SYNPO2: variants seen among roughly 807,000 people sequenced by gnomAD.
SYNPO2 encodes the protein synaptopodin 2.
In SYNPO2, 56 loss-of-function variants were observed where a neutral mutation model predicts 85.0. That is an observed-to-expected ratio of 0.66 (90% CI 0.53 to 0.82). The LOEUF (loss-of-function observed/expected upper bound fraction) is 0.82, where lower values mean the gene tolerates loss of function less well. Among genes scored for constraint, SYNPO2 ranks in the 40% least tolerant of loss-of-function variants. The pLI, the probability that SYNPO2 is intolerant of heterozygous loss-of-function variation, is 0.00. For missense variants in SYNPO2, 1,575 were observed against 1,534.2 expected (o/e 1.03, Z -0.44); for synonymous variants, 602 against 591.1 (o/e 1.02, Z -0.27).
In SYNPO2 at chr4:118,905,543, A is replaced by G. The variant is rs1456753373; in HGVS notation, c.105+16402A>G. ...TTTCATGGAACTGTAAAAACATAGT[A>G]TGGAAAGTTATTTCACCCTTATAGA... On this transcript the variant is annotated intron_variant, in intron 1 of 4. Coordinates refer to ENST00000307142, the MANE Select transcript of SYNPO2 (RefSeq NM_133477.3). 2.6e-5 allele frequency among the ~76,000 whole-genome samples: 4 copies of G among 152,190 alleles called. No individual in the cohort carries two copies. The South Asian group carries it at 8.3e-4, about 31-fold the overall frequency.
chr4:118,904,559 G>T (rs1316404218), intron 1 of SYNPO2, among the ~76,000 whole-genome samples: 1 of 152,192 alleles, frequency 6.6e-6, no homozygotes, highest in African/African-American at 2.4e-5. Context: ...ATAGGACACT[G>T]ATCTCTGAAT....
chr4:119,052,161 G>C (rs1166238782), intron 4 of SYNPO2, among the ~76,000 whole-genome samples: 1 of 152,154 alleles, frequency 6.6e-6, no homozygotes, highest in Non-Finnish European at 1.5e-5. Flanking sequence ...AAACTGTTCT[G>C]GCACAGAACC....
intron 1 of SYNPO2, among the ~76,000 whole-genome samples, chr4:118,854,739 G>A (rs1731476795): frequency 6.6e-6 from 1 of 152,014 alleles, no homozygotes; most frequent in Non-Finnish European, 1.5e-5. Flanking sequence ...AATGCATAAT[G>A]GCATCCTGAA....
intron 1 of SYNPO2, among the ~76,000 whole-genome samples, chr4:118,973,012 T>C (rs888550991): frequency 6.6e-6 from 1 of 152,238 alleles, no homozygotes; most frequent in African/African-American, 2.4e-5. Context: ...GTTTCAACTT[T>C]ACAATGGGCT....
chr4:118,902,928 T>G (rs2149119999), intron 1 of SYNPO2, among the ~76,000 whole-genome samples: 1 of 152,300 alleles, frequency 6.6e-6, no homozygotes, highest in African/African-American at 2.4e-5. Context: ...TTAATTTCAG[T>G]TCTCCTTAAA....
intron 1 of SYNPO2, among the ~76,000 whole-genome samples, chr4:118,861,959 C>A (rs748657143): frequency 6.6e-6 from 1 of 152,014 alleles, no homozygotes; most frequent in Admixed American, 6.5e-5. Flanking sequence ...AATATTGATT[C>A]TTCCAATCCA....
chr4:118,868,682 T>A (rs1339305324), intron 1 of SYNPO2, among the ~76,000 whole-genome samples: 1 of 152,096 alleles, frequency 6.6e-6, no homozygotes, highest in African/African-American at 2.4e-5. Flanking sequence ...TGAAATGAGA[T>A]CTGGAAGTTG....
At chr4:118,960,146 C>CA (rs1485245460) in intron 1 of SYNPO2, among the ~76,000 whole-genome samples, 1 of 152,140 alleles carries the variant, frequency 6.6e-6, no homozygotes, top group Non-Finnish European at 1.5e-5. Flanking sequence ...TCCTAGTCTC[C>CA]AGAGGGATGC....
chr4:118,944,340 C>T, intron 1 of SYNPO2, among the ~76,000 whole-genome samples: 1 of 152,126 alleles, frequency 6.6e-6, no homozygotes, highest in Non-Finnish European at 1.5e-5. Flanking sequence ...TTGGGAAACT[C>T]TTTAGTCCTG....
chr4:118,915,025 G>C (rs1202754253), intron 1 of SYNPO2, among the ~76,000 whole-genome samples: 1 of 148,812 alleles, frequency 6.7e-6, no homozygotes, highest in Non-Finnish European at 1.5e-5. Context: ...AAAAAAAACA[G>C]AAAAATCAAT....
intron 4 of SYNPO2, among the ~76,000 whole-genome samples, chr4:119,052,904 A>G (rs1247121816): frequency 6.6e-6 from 1 of 152,166 alleles, no homozygotes; most frequent in African/African-American, 2.4e-5. Context: ...GTAGTGGGAG[A>G]CAGAAAGAAG....
At chr4:118,858,105 C>T (rs1346337287) in intron 1 of SYNPO2, among the ~76,000 whole-genome samples, 1 of 152,130 alleles carries the variant, frequency 6.6e-6, no homozygotes, top group African/African-American at 2.4e-5. Flanking sequence ...GCTGTAGCCT[C>T]CTTTACAATC....
At chr4:118,977,995 TTTG>T (rs1375626088) in intron 1 of SYNPO2, among the ~76,000 whole-genome samples, 8 of 152,200 alleles carry the variant, frequency 5.3e-5, no homozygotes, top group Non-Finnish European at 5.9e-5. Flanking sequence ...CCAACATAGT[TTTG>T]TTGTTATCAA....
intron 4 of SYNPO2, chr4:119,038,598 C>G (rs1687820921): frequency 1.0e-6 from 1 of 972,336 alleles, no homozygotes; most frequent in Non-Finnish European, 1.2e-6. Context: ...TGAATCAGCA[C>G]CTAGCATGGC....
At chr4:118,970,531 A>G (rs1578597494) in intron 1 of SYNPO2, among the ~76,000 whole-genome samples, 1 of 152,216 alleles carries the variant, frequency 6.6e-6, no homozygotes, top group African/African-American at 2.4e-5. Context: ...CTTGGATAAG[A>G]TGCATGAATG....
rs112126657 is a variant in SYNPO2, at chr4:119,007,827, A to G, written c.106-15603A>G. On this transcript the variant is annotated intron_variant, in intron 1 of 4. Coordinates refer to ENST00000307142, the MANE Select transcript of SYNPO2 (RefSeq NM_133477.3). The stretch of plus-strand genomic sequence containing the variant: ...TATACACTTATATGTGAACAACATC[A>G]TCTCATACCTTTGCTGCATGTATTT... Among the ~76,000 whole-genome samples the G allele has an allele frequency of 7.5e-4, 114 of 152,320 alleles. 3 individuals carry two copies. Among genetic ancestry groups the G allele is most frequent in the African/African-American group, 2.6e-3 (110 of 41,582 alleles).
At chr4:118,950,293 A>G (rs778807978) in intron 1 of SYNPO2, among the ~76,000 whole-genome samples, 1 of 152,232 alleles carries the variant, frequency 6.6e-6, no homozygotes, top group Non-Finnish European at 1.5e-5. Flanking sequence ...TTGTTCAGTT[A>G]TAGCGAGGCC....
At chr4:118,941,168 A>G (rs539918123) in intron 1 of SYNPO2, among the ~76,000 whole-genome samples, 3 of 152,272 alleles carry the variant, frequency 2.0e-5, no homozygotes, top group African/African-American at 7.2e-5. Context: ...TCAGTGAAAG[A>G]CACTACCAGA....
intron 1 of SYNPO2, among the ~76,000 whole-genome samples, chr4:118,964,494 G>C (rs1022652365): frequency 6.9e-6 from 1 of 145,318 alleles, no homozygotes; most frequent in Non-Finnish European, 1.5e-5. Context: ...TGTCTCAAAA[G>C]TAAATTAAAA....
Sources: allele counts gnomAD v4.1 joint callset (sites outside exome capture counted in the v4.1 genomes callset), GRCh38; gene constraint gnomAD v4.1.1; transcripts MANE v1.5; gene names NCBI Gene and HGNC (gene_info 2026-07-23, HGNC 2026-07-21).